NSMF: variants seen among roughly 807,000 people sequenced by gnomAD.
NSMF encodes the protein NMDA receptor synaptonuclear signaling and neuronal migration factor, also known as nasal embryonic LHRH factor.
In NSMF, 31 loss-of-function variants were observed where a neutral mutation model predicts 71.0. The observed-to-expected ratio is 0.44, with a 90% confidence interval of 0.33 to 0.59. NSMF has a LOEUF of 0.59. NSMF is among the 20% of genes least tolerant of loss of function. NSMF has a pLI of 0.04. For missense variants in NSMF, 673 were observed against 740.5 expected, an observed-to-expected ratio of 0.91 and a Z score of 1.06; for synonymous variants, 345 against 287.1, an observed-to-expected ratio of 1.20 and a Z score of -2.04.
chr9:137,452,367 G>C lies in NSMF; in HGVS notation c.1234C>G (p.Gln412Glu). The C allele has an allele frequency of 6.2e-7, 1 of 1,610,610 alleles. No homozygotes were observed. The change falls in exon 12 of 16, where the codon CAG (glutamine) becomes GAG (glutamate). Residue 412 changes from glutamine to glutamate, a missense_variant and splice_region_variant. Physicochemically the swap from Gln to Glu is conservative, Grantham distance 29. Coordinates refer to ENST00000371475, the MANE Select transcript of NSMF (RefSeq NM_001130969.3). ...AGGAGACGAGCACTGAGCCCCACCTGGCAGAAAATCAGCATTTTCCAGATC... is the reference window on the plus strand; with the variant it reads ...AGGAGACGAGCACTGAGCCCCACCTCGCAGAAAATCAGCATTTTCCAGATC... ...AKIWKMLIFC[Q>E]GGPGHLYLLK...
At chr9:137,455,372 C>T (rs758300706) in intron 5 of NSMF, 65 bp from the exon 6 acceptor site, 40 of 1,569,042 alleles carry the variant, frequency 2.5e-5, no homozygotes, top group Non-Finnish European at 3.5e-5. Context: ...GACGTCGGGA[C>T]AGTGGTGCGA....
In NSMF at chr9:137,453,588, G is replaced by A. The variant is rs1830660927; in HGVS notation, c.922+143C>T. On this transcript the variant is annotated intron_variant, in intron 8 of 15. Transcript: ENST00000371475. This position sits in a 1 kb window ranked among gnomAD's most constrained non-coding sequence, Gnocchi z 4.5. ...GCCTTTGCGATCGGAGATGCTGAGG[G>A]CGTCCCCATCTCACAAACAGGTAAA... The A allele has an allele frequency of 3.0e-6, 2 of 667,076 alleles. No homozygotes were observed. The highest frequency in any genetic ancestry group is 2.9e-5 in the Admixed American group (1 of 34,034). 41.3% of individuals were successfully genotyped at this position (667,076 alleles called of 1,614,324 possible).
Position 137,457,857 on chromosome 9 carries a change from C to T in NSMF, c.178G>A (p.Glu60Lys). ...TTGTTCTGGGGGGCCGGCTGCATCT[C>T]GGGGGACCCGTCGTGGCCAGAGTAG... ...DAYSGHDGSPEMQPAPQNKRR... is the reference protein window; with the variant it reads ...DAYSGHDGSPKMQPAPQNKRR... Residue 60 changes from glutamate (E) to lysine (K), a missense_variant, in exon 3 of 16, where the codon GAG (glutamate) becomes AAG (lysine). Glu to Lys is a moderately conservative substitution (Grantham distance 56). Around this residue, in one of 2 missense-constraint regions of NSMF, gnomAD observed 471 missense variants for 459.6 expected, o/e 1.02. Coordinates refer to ENST00000371475, the MANE Select transcript of NSMF (RefSeq NM_001130969.3). 5 of 1,551,584 alleles carry T rather than the reference C, an allele frequency of 3.2e-6. No individual in the cohort carries two copies. Among genetic ancestry groups the T allele is most frequent in the Non-Finnish European group, 3.5e-6 (4 of 1,149,248 alleles).
At chr9:137,452,907 G>GC in intron 9 of NSMF, 88 bp from the exon 10 acceptor site, 2 of 1,551,650 alleles carry the variant, frequency 1.3e-6, no homozygotes, top group Admixed American at 3.6e-5. Flanking sequence ...CCTTCTGGCT[G>GC]CCAGGCAGCC....
At chr9:137,454,721 C>A in intron 6 of NSMF, 1 of 1,499,296 alleles carries the variant, frequency 6.7e-7, no homozygotes, top group Non-Finnish European at 8.9e-7. Context: ...CAGGCTCTGA[C>A]CTTCCGTCCT....
Position 137,449,674 on chromosome 9 carries a change from G to A in NSMF, c.1420C>T (p.Leu474=). 6.2e-7 allele frequency: 1 copy of A among 1,611,976 alleles called. No individual in the cohort carries two copies. The highest frequency in any genetic ancestry group is 2.2e-5 in the East Asian group (1 of 44,846). ...YILGNPNGEK[L]FQNLRTLMTP... ...ATGAGGGTCCTGAGGTTCTGGAACAGCTGGAGGAAGCGGGGTGCCATGAGT... is the reference window on the plus strand; with the variant it reads ...ATGAGGGTCCTGAGGTTCTGGAACAACTGGAGGAAGCGGGGTGCCATGAGT... The change falls in exon 15 of 16, where the codon CTG becomes TTG. Residue 474 remains leucine, a splice_region_variant and synonymous_variant. Coordinates refer to ENST00000371475, the MANE Select transcript of NSMF (RefSeq NM_001130969.3).
Position 137,455,645 on chromosome 9 carries a change from G to C in NSMF, c.705-11C>G. The C allele has an allele frequency of 6.4e-7, 1 of 1,550,390 alleles. No homozygotes were observed. The highest frequency in any genetic ancestry group is 8.7e-7 in the Non-Finnish European group (1 of 1,146,920). On this transcript the variant is annotated splice_polypyrimidine_tract_variant and intron_variant, in intron 4 of 15. Transcript: ENST00000371475. ...GGTACTTACGAGATGCTGAAGCCAG[G>C]GCCAGAAGGGATGGCGTGAGAGAGA...
At position 137,450,226 on chromosome 9, in the gene NSMF, C is replaced by T. The variant is rs762643681; in HGVS notation, c.1266G>A (p.Lys422=). 5.6e-6 allele frequency: 9 copies of T among 1,613,370 alleles called. No individual in the cohort carries two copies. Among genetic ancestry groups the T allele is most frequent in the Non-Finnish European group, 6.8e-6 (8 of 1,179,866 alleles). Residue 422 remains lysine, a synonymous_variant, in exon 13 of 16, where the codon AAG becomes AAA. Transcript: ENST00000371475. ...QGGPGHLYLL[K]NKVATFAKVE... ...CTTTGGCAAAGGTGGCCACCTTGTT[C>T]TTGAGGAGATAGAGGTGTCCAGGAC...
At chr9:137,458,375 C>T in intron 2 of NSMF, 113 bp downstream of exon 2, 1 of 968,694 alleles carries the variant, frequency 1.0e-6, no homozygotes, top group Non-Finnish European at 1.6e-6. Context: ...GCCGGCAGGG[C>T]GCCGGGCCCA....
Position 137,449,059 on chromosome 9 carries a change from G to C in NSMF, c.*335C>G. On this transcript the variant is annotated 3_prime_UTR_variant, in exon 16 of 16. Coordinates refer to ENST00000371475, the MANE Select transcript of NSMF (RefSeq NM_001130969.3). ...ATGCTGCTTCCCTTTGAATTGTTTCGGGGGTGTAGAAATTGCACTTATTTC... is the reference window on the plus strand; with the variant it reads ...ATGCTGCTTCCCTTTGAATTGTTTCCGGGGTGTAGAAATTGCACTTATTTC... The C allele has an allele frequency of 4.3e-6, 2 of 463,756 alleles. No individual in the cohort carries two copies. The highest frequency in any genetic ancestry group is 3.4e-5 in the Admixed American group (1 of 29,162). The allele number at this position is 463,756 out of a possible 1,614,324, so 28.7% of individuals were successfully genotyped here.
At position 137,458,951 on chromosome 9, in the gene NSMF, G is replaced by C. The variant is rs934404523; in HGVS notation, c.71+81C>G. ...AGAGGCCGGGGCCCGGGAGCCCGGG[G>C]AGCACCGCGGGGCAGGGGCGGACTC... On this transcript the variant is annotated intron_variant, in intron 1 of 15. Transcript: ENST00000371475. 12 of 1,112,418 alleles carry C rather than the reference G, an allele frequency of 1.1e-5. No individual in the cohort carries two copies. In the African/African-American group the frequency reaches 2.0e-4, roughly 18 times the overall value. The allele number at this position is 1,112,418 out of a possible 1,614,324, so 68.9% of individuals were successfully genotyped here.
At position 137,457,629 on chromosome 9, in the gene NSMF, T is replaced by C; in HGVS notation, c.406A>G (p.Ser136Gly). The change falls in exon 3 of 16, where the codon AGC becomes GGC. Residue 136 changes from serine (S) to glycine (G), a missense_variant. Ser to Gly is a moderately conservative substitution (Grantham distance 56). Transcript: ENST00000371475. ...GRRQRHPHHH[S>G]QPLRASPGGS... is the part of the protein sequence containing the mutation. ...CCAGGGCTGGCGCGCAGGGGCTGGCTGTGATGGTGAGGGTGCCGCTGCCGC... is the reference window on the plus strand; with the variant it reads ...CCAGGGCTGGCGCGCAGGGGCTGGCCGTGATGGTGAGGGTGCCGCTGCCGC... 1 of 1,550,408 alleles carries C rather than the reference T, an allele frequency of 6.4e-7. No individual in the cohort carries two copies. Among genetic ancestry groups the C allele is most frequent in the Non-Finnish European group, 8.7e-7 (1 of 1,146,898 alleles).
intron 9 of NSMF, 110 bp downstream of exon 9, chr9:137,452,946 C>G (rs1293561473): frequency 1.3e-6 from 2 of 1,572,932 alleles, no homozygotes; most frequent in East Asian, 2.2e-5. Flanking sequence ...AGACACCCTC[C>G]CCCAGGCAGC....
rs1831038864 is a variant in NSMF at position 137,459,058 on chromosome 9, G to A, written c.45C>T (p.Ala15=). 4 of 1,288,042 alleles carry A rather than the reference G, an allele frequency of 3.1e-6. No homozygotes were observed. The highest frequency in any genetic ancestry group is 3.0e-6 in the Non-Finnish European group (3 of 1,016,686). The allele number at this position is 1,288,042 out of a possible 1,614,324, so 79.8% of individuals were successfully genotyped here. ...ASRRRALRSE[A]MSSVAAKVRA... ...GCACTTTGGCCGCCACCGAGGACATGGCCTCGCTCCTCAGCGCCCTCCTCC... is the reference window on the plus strand; with the variant it reads ...GCACTTTGGCCGCCACCGAGGACATAGCCTCGCTCCTCAGCGCCCTCCTCC... The change falls in exon 1 of 16, where the codon GCC becomes GCT. Residue 15 remains alanine, a synonymous_variant. Transcript: ENST00000371475.
intron 3 of NSMF, among the ~76,000 whole-genome samples, chr9:137,456,760 T>C (rs145185990): frequency 1.1e-3 from 168 of 152,332 alleles, no homozygotes; most frequent in African/African-American, 3.9e-3. Context: ...AAACATTCCT[T>C]TGAAAGCACA....
intron 3 of NSMF, among the ~76,000 whole-genome samples, 156 bp downstream of exon 3, chr9:137,457,251 G>A (rs1008042804): frequency 3.3e-5 from 5 of 152,168 alleles, no homozygotes; most frequent in Admixed American, 6.5e-5. Context: ...TGTGGAGGCC[G>A]CAGCAGAAGC....
At position 137,453,844 on chromosome 9, in the gene NSMF, A is replaced by T; in HGVS notation, c.833-24T>A. ...CGCTGCAGAGAGCAAAACCCGCATT[A>T]GCGAGCGGGTGGGGCGGGGCCTCGG... On this transcript the variant is annotated intron_variant, in intron 7 of 15. Transcript: ENST00000371475. This position sits in a 1 kb window ranked among gnomAD's most constrained non-coding sequence, Gnocchi z 4.5. 1 of 1,561,568 alleles carries T rather than the reference A, an allele frequency of 6.4e-7. No homozygotes were observed. Among genetic ancestry groups the T allele is most frequent in the South Asian group, 1.2e-5 (1 of 86,878 alleles).
In NSMF at chr9:137,453,402, A is replaced by T. The variant is rs1830646884; in HGVS notation, c.923-222T>A. ...GAGACCCTGGTGCGAGGCCGGTGGA[A>T]GGCGCGTGCAGGCATCAGCTCCAGC... is the stretch of plus-strand genomic sequence containing the variant. On this transcript the variant is annotated intron_variant, in intron 8 of 15. Transcript: ENST00000371475. This position sits in a 1 kb window ranked among gnomAD's most constrained non-coding sequence, Gnocchi z 4.5. The T allele has an allele frequency of 1.6e-6, 1 of 638,164 alleles. No homozygotes were observed. The allele number at this position is 638,164 out of a possible 1,614,324, so 39.5% of individuals were successfully genotyped here. A position where few individuals can be genotyped will look rare whatever the true frequency, so the allele number is the denominator to read the frequency against.
intron 1 of NSMF, among the ~76,000 whole-genome samples, chr9:137,458,792 C>T (rs1433080908): frequency 3.3e-5 from 5 of 152,250 alleles, no homozygotes; most frequent in African/African-American, 1.2e-4. Flanking sequence ...TGCTGTTCCC[C>T]GGGGGAACCG....
Sources: allele counts gnomAD v4.1 joint callset (sites outside exome capture counted in the v4.1 genomes callset), GRCh38; gene constraint gnomAD v4.1.1; regional missense constraint gnomAD v4.1.1; non-coding constraint Gnocchi (gnomAD v3.1); transcripts MANE v1.5; gene names NCBI Gene and HGNC (gene_info 2026-07-23, HGNC 2026-07-21).